Variants in LGSN observed in about 807,000 individuals in gnomAD.
LGSN encodes lengsin, lens protein with glutamine synthetase domain, also known as lengsin.
Under a neutral mutation model 19.5 loss-of-function variants are expected in LGSN, and 21 were observed. That is an observed-to-expected ratio of 1.07 (90% CI 0.76 to 1.55). LGSN has a LOEUF of 1.55. LGSN is among the 40% of genes most tolerant of loss of function. The probability of loss-of-function intolerance (pLI) is 0.00; values close to 1 mark genes in which losing one functional copy is unlikely to be tolerated. For missense variants in LGSN, 673 were observed against 608.5 expected (o/e 1.11, Z -1.12); for synonymous variants, 257 against 215.6 (o/e 1.19, Z -1.68).
rs529473777 is a variant in LGSN, at chr6:63,293,901, C to T, written c.163+1012G>A. ...TGTTAAAATATGTTTCCACTGTTTT[C>T]AACTGTCTCTTAATATAATATGGAG... On this transcript the variant is annotated intron_variant, in intron 2 of 3. Transcript: ENST00000370657. 8.2e-4 allele frequency: 322 copies of T among 392,080 alleles called. 1 individual carries two copies. The highest frequency in any genetic ancestry group is 3.3e-3 in the South Asian group (172 of 52,372). 24.3% of individuals were successfully genotyped at this position (392,080 alleles called of 1,614,324 possible). A position where few individuals can be genotyped will look rare whatever the true frequency, so the allele number is the denominator to read the frequency against.
intron 1 of LGSN, among the ~76,000 whole-genome samples, chr6:63,301,951 T>C (rs1768198484): frequency 6.6e-6 from 1 of 152,168 alleles, no homozygotes; most frequent in African/African-American, 2.4e-5. Flanking sequence ...TTTAAAACCT[T>C]TGGCATATTT....
At chr6:63,381,772 G>T in the LGSN span, among the ~76,000 whole-genome samples, 8 of 152,282 alleles carry the variant, frequency 5.3e-5, no homozygotes, top group East Asian at 7.7e-4. Context: ...ATCTTGTCCA[G>T]CTCCAGACAC....
chr6:63,514,668 G>A, the LGSN span, among the ~76,000 whole-genome samples: 4 of 152,166 alleles, frequency 2.6e-5, no homozygotes, highest in Non-Finnish European at 5.9e-5. Context: ...CCCCAGTGTT[G>A]TTGTGGTTTG....
the LGSN span, among the ~76,000 whole-genome samples, chr6:63,508,929 A>G: frequency 5.5e-5 from 2 of 36,344 alleles, no homozygotes; most frequent in Admixed American, 2.9e-4. Context: ...CAAAAAAGAA[A>G]AAAAAAAAAA....
the LGSN span, chr6:63,572,017 T>G: frequency 6.6e-6 from 1 of 152,318 alleles, no homozygotes; most frequent in African/African-American, 2.4e-5. Context: ...CTGGCAAAGA[T>G]GACCGTGGTT....
the LGSN span, among the ~76,000 whole-genome samples, chr6:63,497,106 G>A: frequency 6.6e-6 from 1 of 152,006 alleles, no homozygotes; most frequent in Admixed American, 6.6e-5. Flanking sequence ...CAAGTAGCTA[G>A]GACTACAGGC....
At chr6:63,381,897 G>A in the LGSN span, among the ~76,000 whole-genome samples, 1 of 152,176 alleles carries the variant, frequency 6.6e-6, no homozygotes, top group African/African-American at 2.4e-5. Context: ...TCAACAAAAA[G>A]TCACTAAGGG....
the LGSN span, among the ~76,000 whole-genome samples, chr6:63,470,476 C>A: frequency 4.5e-4 from 62 of 139,106 alleles, no homozygotes; most frequent in African/African-American, 4.5e-4. Context: ...TGTCTCAATT[C>A]AAAAAAAAAA....
chr6:63,316,842 G>A (rs12524232), intron 1 of LGSN, among the ~76,000 whole-genome samples: 2,319 of 152,026 alleles, frequency 0.015, 206 homozygotes, highest in Admixed American at 0.14. Context: ...GGAACTGTTC[G>A]TGAAGATATC....
the LGSN span, among the ~76,000 whole-genome samples, chr6:63,504,210 C>T: frequency 6.7e-6 from 1 of 150,194 alleles, no homozygotes; most frequent in Non-Finnish European, 1.5e-5. Flanking sequence ...GATCTCGGCT[C>T]ACTGAAGCCT....
the LGSN span, among the ~76,000 whole-genome samples, chr6:63,370,594 C>CTGCCTACG: frequency 6.6e-6 from 1 of 152,230 alleles, no homozygotes; most frequent in South Asian, 2.1e-4. Context: ...CACATGGGTC[C>CTGCCTACG]TGCCTACGCA....
At chr6:63,362,704 C>T in the LGSN span, among the ~76,000 whole-genome samples, 4 of 152,158 alleles carry the variant, frequency 2.6e-5, no homozygotes, top group East Asian at 3.9e-4. Flanking sequence ...CCGGGAAGGT[C>T]GAACTGGGTG....
the LGSN span, among the ~76,000 whole-genome samples, chr6:63,370,948 C>T: frequency 6.6e-6 from 1 of 152,172 alleles, no homozygotes; most frequent in East Asian, 1.9e-4. Context: ...ACATAGCTGG[C>T]CCTGCTTGTG....
At chr6:63,368,983 T>G in the LGSN span, among the ~76,000 whole-genome samples, 4 of 152,226 alleles carry the variant, frequency 2.6e-5, no homozygotes, top group Non-Finnish European at 5.9e-5. Flanking sequence ...TTGCGGGAAA[T>G]CCAGAGACTT....
chr6:63,474,005 T>A, the LGSN span, among the ~76,000 whole-genome samples: 1 of 151,428 alleles, frequency 6.6e-6, no homozygotes, highest in Non-Finnish European at 1.5e-5. Flanking sequence ...CTCATTCATT[T>A]ATAAATTGAC....
the LGSN span, among the ~76,000 whole-genome samples, chr6:63,412,483 GA>G: frequency 1.9e-3 from 103 of 52,848 alleles, 2 homozygotes; most frequent in African/African-American, 6.4e-3. Flanking sequence ...AGAAGAAAGA[GA>G]AGAAAGAAAG....
chr6:63,379,873 T>C, the LGSN span, among the ~76,000 whole-genome samples: 1 of 152,194 alleles, frequency 6.6e-6, no homozygotes, highest in Non-Finnish European at 1.5e-5. Flanking sequence ...GTCTTGGTCT[T>C]GTTGCCCAGG....
At chr6:63,448,092 AG>A in the LGSN span, among the ~76,000 whole-genome samples, 31 of 152,366 alleles carry the variant, frequency 2.0e-4, 1 homozygote, top group South Asian at 6.2e-3. Context: ...TCTCAGAATG[AG>A]GTGCTTTTAA....
the LGSN span, among the ~76,000 whole-genome samples, chr6:63,353,511 CTT>C: frequency 1.4e-5 from 2 of 143,506 alleles, no homozygotes; most frequent in South Asian, 2.2e-4. Context: ...CTACTATACT[CTT>C]ATAATTATTG....
Sources: allele counts gnomAD v4.1 joint callset (sites outside exome capture counted in the v4.1 genomes callset), GRCh38; gene constraint gnomAD v4.1.1; transcripts MANE v1.5; gene names NCBI Gene and HGNC (gene_info 2026-07-23, HGNC 2026-07-21).